MOV10L1: variants seen among roughly 807,000 people sequenced by gnomAD.
The protein encoded by MOV10L1 is RNA helicase Mov10l1.
MOV10L1 carries 110 observed loss-of-function variants against 143.8 expected under a neutral mutation model. That is an observed-to-expected ratio of 0.76 (90% CI 0.66 to 0.90). The LOEUF is 0.90. Among genes scored for constraint, MOV10L1 ranks in the 40% least tolerant of loss-of-function variants. MOV10L1 has a pLI of 0.00. For synonymous variants in MOV10L1, 593 were observed against 581.1 expected (o/e 1.02, Z -0.29); for missense variants, 1,406 against 1,526.8 (o/e 0.92, Z 1.32).
rs553961552 is a variant in MOV10L1 at position 50,144,870 on chromosome 22, C to T, written c.2505+627C>T. Among the ~76,000 whole-genome samples, 20 of 152,068 alleles carry T rather than the reference C, an allele frequency of 1.3e-4. No homozygotes were observed. The South Asian group carries it at 3.1e-3, about 24-fold the overall frequency. On this transcript the variant is annotated intron_variant, in intron 18 of 26. Coordinates refer to ENST00000262794, the MANE Select transcript of MOV10L1 (RefSeq NM_018995.3). Reference sequence around the variant, plus strand: ...TGCTGGGATTACAGGCGTGAGCCACCGTGCCCGGCCTGGTTTGGTTTTAAG... The same window carrying T: ...TGCTGGGATTACAGGCGTGAGCCACTGTGCCCGGCCTGGTTTGGTTTTAAG...
In MOV10L1 at chr22:50,099,450, C is replaced by T; in HGVS notation, c.290C>T (p.Ala97Val). The T allele has an allele frequency of 6.2e-7, 1 of 1,613,790 alleles. No individual in the cohort carries two copies. The highest frequency in any genetic ancestry group is 8.5e-7 in the Non-Finnish European group (1 of 1,179,750). Residue 97 changes from alanine (A) to valine (V), a missense_variant, in exon 3 of 27, where the codon GCT becomes GTT. Around this residue, in one of 3 missense-constraint regions of MOV10L1, gnomAD observed 166 missense variants for 153.9 expected, o/e 1.08. Coordinates refer to ENST00000262794, the MANE Select transcript of MOV10L1 (RefSeq NM_018995.3). Reference sequence around the variant, plus strand: ...GGTGTGTTTGTTTTACAGGTAGAAGCTGTCTCTGATAAGTGGGAAGACGAC... The same window carrying T: ...GGTGTGTTTGTTTTACAGGTAGAAGTTGTCTCTGATAAGTGGGAAGACGAC... The part of the protein sequence containing the change: ...SNGLKAIRVE[A>V]VSDKWEDDSR...
intron 3 of MOV10L1, among the ~76,000 whole-genome samples, chr22:50,102,309 G>A (rs1403484501): frequency 6.6e-6 from 1 of 152,198 alleles, no homozygotes; most frequent in Non-Finnish European, 1.5e-5. Flanking sequence ...GTCAAGCACC[G>A]TCTCCTTCAA....
chr22:50,093,809 C>A (rs866039314), intron 2 of MOV10L1: 1 of 152,336 alleles, frequency 6.6e-6, no homozygotes, highest in Non-Finnish European at 1.5e-5. Flanking sequence ...CCATGCCTGG[C>A]CTGTTTGTTG....
rs775263348 is a variant in MOV10L1, at chr22:50,142,183, G to A, written c.2173G>A (p.Asp725Asn). 1.8e-5 allele frequency: 29 copies of A among 1,611,004 alleles called. No individual in the cohort carries two copies. In the Admixed American group the frequency reaches 2.3e-4, roughly 13 times the overall value. The change falls in exon 16 of 27, where the codon GAT becomes AAT. Residue 725 changes from aspartate to asparagine, a missense_variant. Asp to Asn is a conservative substitution (Grantham distance 23). This residue lies in a region of MOV10L1 where 1,233 missense variants were observed against 1,351.4 expected (regional missense o/e 0.91). Coordinates refer to ENST00000262794, the MANE Select transcript of MOV10L1 (RefSeq NM_018995.3). The stretch of plus-strand genomic sequence containing the variant: ...GGCACCCTTTACTGCAGAGATGAGC[G>A]ATTGGGGTATGTGCTCATGAGGGGC... ...VLAPFTAEMS[D>N]WVDEIQTPKA...
intron 17 of MOV10L1, 186 bp downstream of exon 17, chr22:50,143,407 G>T: frequency 3.0e-6 from 2 of 663,246 alleles, no homozygotes; most frequent in South Asian, 3.6e-5. Flanking sequence ...TTATTTCATA[G>T]GTTTAGAAGG....
chr22:50,128,186 T>C (rs1411225614), intron 12 of MOV10L1, among the ~76,000 whole-genome samples: 1 of 152,214 alleles, frequency 6.6e-6, no homozygotes, highest in Non-Finnish European at 1.5e-5. Flanking sequence ...CTCAGAGCCT[T>C]AGGAGAGGCT....
chr22:50,142,008 G>A (rs552763435), intron 15 of MOV10L1, 73 bp from the exon 16 acceptor site: 299 of 1,221,124 alleles, frequency 2.4e-4, no homozygotes, highest in South Asian at 6.9e-4. Flanking sequence ...AGATGTTTAC[G>A]TTTGCTCTTT....
chr22:50,143,243 G>A, intron 17 of MOV10L1, 22 bp downstream of exon 17: 1 of 1,611,970 alleles, frequency 6.2e-7, no homozygotes, highest in Non-Finnish European at 8.5e-7. Flanking sequence ...GGCGCCGCGG[G>A]TGCTGTGGCT....
intron 17 of MOV10L1, 65 bp from the exon 18 acceptor site, chr22:50,144,032 G>A: frequency 6.4e-7 from 1 of 1,568,278 alleles, no homozygotes; most frequent in Non-Finnish European, 8.7e-7. Context: ...GTTGAGGTTA[G>A]ACTCCTGGTT....
At chr22:50,119,376 C>T (rs1188012744) in intron 9 of MOV10L1, among the ~76,000 whole-genome samples, 6 of 152,132 alleles carry the variant, frequency 3.9e-5, no homozygotes, top group Admixed American at 3.9e-4. Context: ...CCGCCTGTCA[C>T]AGGTCCTGCA....
chr22:50,158,273 C>T lies in MOV10L1; in HGVS notation c.3216+67C>T. 6.3e-7 allele frequency: 1 copy of T among 1,588,138 alleles called. No individual in the cohort carries two copies. The highest frequency in any genetic ancestry group is 1.8e-4 in the Middle Eastern group (1 of 5,516). On this transcript the variant is annotated intron_variant, in intron 23 of 26. Transcript: ENST00000262794. This position sits in a 1 kb window ranked among gnomAD's most constrained non-coding sequence, Gnocchi z 5.0. Reference sequence around the variant, plus strand: ...CAGCCCTGCTCCTTGGCTCCTGCAGCTCCACAGAGGCAGGAACAAGCTCCT... The same window carrying T: ...CAGCCCTGCTCCTTGGCTCCTGCAGTTCCACAGAGGCAGGAACAAGCTCCT...
intron 3 of MOV10L1, among the ~76,000 whole-genome samples, chr22:50,100,813 C>T (rs2061727505): frequency 6.6e-6 from 1 of 152,166 alleles, no homozygotes; most frequent in African/African-American, 2.4e-5. Flanking sequence ...CTTTATATAT[C>T]CATTTTTTAT....
chr22:50,123,122 A>G (rs1337083493), intron 10 of MOV10L1, among the ~76,000 whole-genome samples: 1 of 150,758 alleles, frequency 6.6e-6, no homozygotes, highest in Non-Finnish European at 1.5e-5. Flanking sequence ...CTTGAGCCCA[A>G]GAGGCAGAGG....
rs1173514419 is a variant in MOV10L1 at position 50,125,505 on chromosome 22, G to A, written c.1683G>A (p.Arg561=). ...EYNMSGIILR[R]NGDLLVLEVP... is the part of the protein sequence containing the mutation. The stretch of plus-strand genomic sequence containing the variant: ...ACATGAGCGGGATCATCTTAAGAAG[G>A]AATGGGGATCTGCTGGTTCTGGAGG... Residue 561 remains arginine (R), a synonymous_variant, in exon 11 of 27, where the codon AGG becomes AGA. Transcript: ENST00000262794. 7 of 1,614,120 alleles carry A rather than the reference G, an allele frequency of 4.3e-6. No individual in the cohort carries two copies. The highest frequency in any genetic ancestry group is 4.0e-5 in the African/African-American group (3 of 74,938).
In MOV10L1 at chr22:50,120,535, C is replaced by G; in HGVS notation, c.1488C>G (p.Pro496=). 1.2e-6 allele frequency: 2 copies of G among 1,612,338 alleles called. No individual in the cohort carries two copies. Among genetic ancestry groups the G allele is most frequent in the Non-Finnish European group, 1.7e-6 (2 of 1,179,302 alleles). ...NSRRQLPSFL[P]QYPIPDRLRK... ...GACGACAACTTCCAAGTTTTCTTCC[C>G]CAATATCCAATCCCAGATAGACTTA... The change falls in exon 10 of 27, where the codon CCC becomes CCG. Residue 496 remains proline (P), a synonymous_variant. Coordinates refer to ENST00000262794, the MANE Select transcript of MOV10L1 (RefSeq NM_018995.3).
At position 50,159,630 on chromosome 22, in the gene MOV10L1, G is replaced by A; in HGVS notation, c.3217-48G>A. The A allele has an allele frequency of 8.1e-7, 1 of 1,240,376 alleles. No individual in the cohort carries two copies. Among genetic ancestry groups the A allele is most frequent in the Non-Finnish European group, 1.1e-6 (1 of 872,794 alleles). The allele number at this position is 1,240,376 out of a possible 1,614,324, so 76.8% of individuals were successfully genotyped here. A position where few individuals can be genotyped will look rare whatever the true frequency, so the allele number is the denominator to read the frequency against. ...AAAAAAAAAGGAAAAGAAAAGAAAT[G>A]GATTTGTACAGTGTTATCTTTAGTC... On this transcript the variant is annotated intron_variant, in intron 23 of 26. Transcript: ENST00000262794. The surrounding 1 kb of genome is among the most constrained non-coding windows in gnomAD (Gnocchi z 4.1).
chr22:50,108,592 G>C (rs1212490146), intron 4 of MOV10L1, 65 bp from the exon 5 acceptor site: 27 of 1,572,632 alleles, frequency 1.7e-5, no homozygotes, highest in Non-Finnish European at 2.3e-5. Context: ...TTGGGCGTGT[G>C]TTAGAGCTGC....
Position 50,150,747 on chromosome 22 carries a change from G to A in MOV10L1, c.2740G>A (p.Gly914Arg). 6.2e-7 allele frequency: 1 copy of A among 1,613,970 alleles called. No homozygotes were observed. Among genetic ancestry groups the A allele is most frequent in the Non-Finnish European group, 8.5e-7 (1 of 1,179,980 alleles). ...CCTCTGTGTGCAGATCGTGCTGGCAGGAGACCCCATGCAGCTCGGCCCAGT... is the reference window on the plus strand; with the variant it reads ...CCTCTGTGTGCAGATCGTGCTGGCAAGAGACCCCATGCAGCTCGGCCCAGT... ...SDISGQIVLA[G>R]DPMQLGPVIK... Residue 914 changes from glycine to arginine, a missense_variant, in exon 21 of 27, where the codon GGA becomes AGA. Gly to Arg is a moderately radical substitution (Grantham distance 125). Transcript: ENST00000262794.
chr22:50,161,092 G>A, intron 26 of MOV10L1, 37 bp downstream of exon 26: 1 of 1,594,434 alleles, frequency 6.3e-7, no homozygotes, highest in South Asian at 1.1e-5. Context: ...AGACAGGCTG[G>A]CTCTAGAACG....
Sources: allele counts gnomAD v4.1 joint callset (sites outside exome capture counted in the v4.1 genomes callset), GRCh38; gene constraint gnomAD v4.1.1; regional missense constraint gnomAD v4.1.1; non-coding constraint Gnocchi (gnomAD v3.1); transcripts MANE v1.5; gene names NCBI Gene and HGNC (gene_info 2026-07-23, HGNC 2026-07-21).